The following ERC1 variants were observed in gnomAD, a reference collection of about 807,000 sequenced individuals.
ERC1 encodes the protein RAB6 interacting protein 2.
ERC1 carries 56 observed loss-of-function variants against 132.0 expected under a neutral mutation model. The ratio of observed to expected loss-of-function variants is 0.42; its 90% CI spans 0.34 to 0.53. The LOEUF (loss-of-function observed/expected upper bound fraction) is 0.53, where lower values mean the gene tolerates loss of function less well. ERC1 is among the 20% of genes least tolerant of loss of function. The pLI is 0.03. For synonymous variants in ERC1, 478 were observed against 476.1 expected, an observed-to-expected ratio of 1.00 and a Z score of -0.05; for missense variants, 1,202 against 1,349.9, an observed-to-expected ratio of 0.89 and a Z score of 1.72.
At chr12:1,119,251 T>G (rs1472080524) in intron 7 of ERC1, among the ~76,000 whole-genome samples, 5 of 139,832 alleles carry the variant, frequency 3.6e-5, no homozygotes, top group Non-Finnish European at 6.1e-5. Context: ...GTTTTTTGTT[T>G]TGTTTTGTTT....
intron 14 of ERC1, among the ~76,000 whole-genome samples, chr12:1,280,146 C>G: frequency 6.6e-6 from 1 of 152,172 alleles, no homozygotes; most frequent in African/African-American, 2.4e-5. Context: ...TTTCTTTTCT[C>G]CTACTGAGAA....
intron 2 of ERC1, among the ~76,000 whole-genome samples, chr12:1,074,428 A>G (rs527372445): frequency 1.3e-5 from 2 of 152,024 alleles, no homozygotes. Flanking sequence ...AGCCTCCCGA[A>G]TAGCTGGGAT....
intron 15 of ERC1, among the ~76,000 whole-genome samples, chr12:1,293,850 G>A (rs2079692934): frequency 6.6e-6 from 1 of 152,104 alleles, no homozygotes. Context: ...TCCACCAAAA[G>A]CCATTTTTTT....
At chr12:1,285,661 T>G (rs960298548) in intron 14 of ERC1, among the ~76,000 whole-genome samples, 1 of 152,130 alleles carries the variant, frequency 6.6e-6, no homozygotes, top group African/African-American at 2.4e-5. Context: ...AATAAAAATT[T>G]TTCCTACAAA....
chr12:1,072,330 T>C (rs1455185611), intron 2 of ERC1, among the ~76,000 whole-genome samples: 1 of 152,202 alleles, frequency 6.6e-6, no homozygotes, highest in African/African-American at 2.4e-5. Flanking sequence ...CTTTTAAATA[T>C]GAAGGAAAAT....
chr12:1,182,846 T>G (rs568523746), intron 10 of ERC1, among the ~76,000 whole-genome samples: 2 of 152,232 alleles, frequency 1.3e-5, no homozygotes, highest in Admixed American at 6.5e-5. Flanking sequence ...AAATTTTTTT[T>G]TGTGAAGACA....
At chr12:1,071,593 G>C (rs1416936580) in intron 2 of ERC1, among the ~76,000 whole-genome samples, 1 of 151,456 alleles carries the variant, frequency 6.6e-6, no homozygotes, top group African/African-American at 2.4e-5. Flanking sequence ...ATATATTCTG[G>C]ATACAAGTCC....
intron 17 of ERC1, among the ~76,000 whole-genome samples, chr12:1,440,475 C>A (rs12368058): frequency 6.9e-6 from 1 of 145,322 alleles, no homozygotes; most frequent in Non-Finnish European, 1.5e-5. Flanking sequence ...CAAAGTGCTG[C>A]GATTACAGGT....
chr12:1,033,466 C>A (rs1384323744), intron 2 of ERC1, among the ~76,000 whole-genome samples: 1 of 151,230 alleles, frequency 6.6e-6, no homozygotes, highest in Non-Finnish European at 1.5e-5. Context: ...CCACCGCACC[C>A]AGCCTTTTTT....
At chr12:1,013,748 G>C (rs1170469862) in intron 1 of ERC1, among the ~76,000 whole-genome samples, 1 of 151,774 alleles carries the variant, frequency 6.6e-6, no homozygotes, top group Non-Finnish European at 1.5e-5. Flanking sequence ...GTCTGTCTTT[G>C]GGTCTGTCTG....
chr12:1,324,344 C>G (rs2082311849), intron 15 of ERC1, among the ~76,000 whole-genome samples: 2 of 152,180 alleles, frequency 1.3e-5, no homozygotes, highest in African/African-American at 2.4e-5. Flanking sequence ...AGAACCCAGA[C>G]AGAAGGCATG....
At chr12:1,056,003 GAAAATA>G (rs889725601) in intron 2 of ERC1, among the ~76,000 whole-genome samples, 3 of 148,842 alleles carry the variant, frequency 2.0e-5, no homozygotes, top group African/African-American at 4.9e-5. Flanking sequence ...TAAAATAAAT[GAAAATA>G]AAAATAAAAA....
chr12:1,440,403 T>G, intron 17 of ERC1, among the ~76,000 whole-genome samples: 1 of 150,946 alleles, frequency 6.6e-6, no homozygotes, highest in Non-Finnish European at 1.5e-5. Flanking sequence ...AGACGGGGTT[T>G]CACCGTGTTA....
chr12:1,074,125 GT>G (rs1159862082), intron 2 of ERC1, among the ~76,000 whole-genome samples: 1 of 152,012 alleles, frequency 6.6e-6, no homozygotes, highest in Non-Finnish European at 1.5e-5. Flanking sequence ...GCCTTCCAAA[GT>G]GCTGGGATTA....
At chr12:1,392,984 A>G (rs2090106634) in intron 16 of ERC1, among the ~76,000 whole-genome samples, 1 of 152,362 alleles carries the variant, frequency 6.6e-6, no homozygotes, top group Non-Finnish European at 1.5e-5. Context: ...TTTATAATGA[A>G]TAGTCAGAGT....
chr12:1,354,286 G>A (rs2085313351), intron 15 of ERC1, among the ~76,000 whole-genome samples: 1 of 152,062 alleles, frequency 6.6e-6, no homozygotes, highest in South Asian at 2.1e-4. Context: ...CACTTTGGGA[G>A]GCCGAGGTGG....
chr12:1,487,310 TCAGAG>T (rs2094235405), intron 18 of ERC1, among the ~76,000 whole-genome samples: 1 of 150,928 alleles, frequency 6.6e-6, no homozygotes, highest in African/African-American at 2.4e-5. Flanking sequence ...CATTCTTGAC[TCAGAG>T]CATCTAGATT....
chr12:1,236,992 T>C (rs1672932431), intron 13 of ERC1, 88 bp downstream of exon 13: 2 of 1,468,700 alleles, frequency 1.4e-6, no homozygotes, highest in Non-Finnish European at 1.9e-6. Context: ...TTTATCCTCC[T>C]CTTTTTTCTC....
intron 14 of ERC1, among the ~76,000 whole-genome samples, chr12:1,272,720 C>T (rs1037054170): frequency 5.3e-5 from 8 of 151,938 alleles, no homozygotes; most frequent in African/African-American, 1.9e-4. Flanking sequence ...GAGGCTGAGG[C>T]AGGTGGATGA....
Sources: gnomAD v4.1 joint callset for allele counts (sites outside exome capture counted in the v4.1 genomes callset) on GRCh38, gnomAD v4.1.1 for gene constraint, MANE v1.5 for transcripts, NCBI Gene and HGNC (gene_info 2026-07-23, HGNC 2026-07-21) for gene names.